Variants in GABRD observed in about 807,000 individuals in gnomAD.
GABRD encodes the protein gamma-aminobutyric acid receptor subunit delta.
A neutral mutation model predicts 47.3 loss-of-function variants in GABRD; 25 were observed. The observed-to-expected ratio is 0.53, with a 90% CI of 0.39 to 0.74. GABRD has a LOEUF of 0.74. Among genes scored for constraint, GABRD ranks in the 30% least tolerant of loss-of-function variants. GABRD has a pLI of 0.00. For missense variants in GABRD, 497 were observed against 643.4 expected, an observed-to-expected ratio of 0.77 and a Z score of 2.46; for synonymous variants, 314 against 278.8, an observed-to-expected ratio of 1.13 and a Z score of -1.26.
In GABRD at chr1:2,030,587, T is replaced by C; in HGVS notation, c.*305T>C. 1 of 302,154 alleles carries C rather than the reference T, an allele frequency of 3.3e-6. No individual in the cohort carries two copies. The highest frequency in any genetic ancestry group is 6.1e-6 in the Non-Finnish European group (1 of 164,214). 18.7% of individuals were successfully genotyped at this position (302,154 alleles called of 1,614,324 possible). A position where few individuals can be genotyped will look rare whatever the true frequency, so the allele number is the denominator to read the frequency against. The stretch of plus-strand genomic sequence containing the variant: ...CCCTTCAGGGAGCCGCGGATTTTTA[T>C]GTTCAGAAAGTGATCCTGGTTTCTA... On this transcript the variant is annotated 3_prime_UTR_variant, in exon 9 of 9. Coordinates refer to ENST00000378585, the MANE Select transcript of GABRD (RefSeq NM_000815.5).
chr1:2,028,464 G>A lies in GABRD; in HGVS notation c.691+172G>A, dbSNP rs1459820375. 6.6e-6 allele frequency among the ~76,000 whole-genome samples: 1 copy of A among 152,118 alleles called. No homozygotes were observed. Among genetic ancestry groups the A allele is most frequent in the African/African-American group, 2.4e-5 (1 of 41,428 alleles). ...GGGCCTCTGGGGATGCAGCTGGGAC[G>A]CTGCTGCCTTAGGAACTTGCTCATT... is the stretch of plus-strand genomic sequence containing the variant. On this transcript the variant is annotated intron_variant, in intron 6 of 8. Transcript: ENST00000378585. This position sits in a 1 kb window ranked among gnomAD's most constrained non-coding sequence, Gnocchi z 6.4.
intron 2 of GABRD, 24 bp downstream of exon 2, chr1:2,025,078 A>G: frequency 1.3e-6 from 2 of 1,584,708 alleles, no homozygotes; most frequent in African/African-American, 1.3e-5. Context: ...CAGGCCCGGC[A>G]GGCAGGAGCC....
At position 2,025,681 on chromosome 1, in the gene GABRD, C is replaced by T. The variant is rs1189990506; in HGVS notation, c.413C>T (p.Thr138Met). The change falls in exon 4 of 9, where the codon ACG (threonine) becomes ATG (methionine). Residue 138 changes from threonine to methionine, a missense_variant. Physicochemically the swap from Thr to Met is moderately conservative, Grantham distance 81. This residue lies in a region of GABRD where 285 missense variants were observed against 436.6 expected (regional missense o/e 0.65). Coordinates refer to ENST00000378585, the MANE Select transcript of GABRD (RefSeq NM_000815.5). ...NAKSAWFHDV[T>M]VENKLIRLQP... Reference sequence around the variant, plus strand: ...AAGTCGGCCTGGTTCCACGACGTGACGGTGGAGAACAAGCTCATCCGGCTG... The same window carrying T: ...AAGTCGGCCTGGTTCCACGACGTGATGGTGGAGAACAAGCTCATCCGGCTG... 1 of 1,612,990 alleles carries T rather than the reference C, an allele frequency of 6.2e-7. No homozygotes were observed. The highest frequency in any genetic ancestry group is 8.5e-7 in the Non-Finnish European group (1 of 1,180,002).
Position 2,028,068 on chromosome 1 carries a change from C to G in GABRD, c.554-87C>G. The stretch of plus-strand genomic sequence containing the variant: ...CCATCACGATGGCGTCGGCCCCCTG[C>G]AGGCTTCCTGTGTGGACGGAGCGCT... On this transcript the variant is annotated intron_variant, in intron 5 of 8. Transcript: ENST00000378585. This position sits in a 1 kb window ranked among gnomAD's most constrained non-coding sequence, Gnocchi z 6.4. 5 of 1,461,628 alleles carry G rather than the reference C, an allele frequency of 3.4e-6. No homozygotes were observed. Among genetic ancestry groups the G allele is most frequent in the Non-Finnish European group, 4.6e-6 (5 of 1,076,824 alleles). 90.5% of individuals were successfully genotyped at this position (1,461,628 alleles called of 1,614,324 possible).
Position 2,025,057 on chromosome 1 carries a change from GA to G in GABRD, c.181+4del. 6.2e-7 allele frequency: 1 copy of G among 1,610,390 alleles called. No individual in the cohort carries two copies. The highest frequency in any genetic ancestry group is 8.5e-7 in the Non-Finnish European group (1 of 1,178,054). On this transcript the variant is annotated splice_donor_region_variant and intron_variant, in intron 2 of 8. Transcript: ENST00000378585. ...CAACTTCCGGCCTGGCATCGGAGGTGAGGGGCGGTCCAGGCCCGGCAGGCAG... is the reference window on the plus strand; with the variant it reads ...CAACTTCCGGCCTGGCATCGGAGGTGGGGGCGGTCCAGGCCCGGCAGGCAG...
chr1:2,025,435 G>T (rs1470175426), intron 3 of GABRD, 34 bp downstream of exon 3: 1 of 1,612,412 alleles, frequency 6.2e-7, no homozygotes. Context: ...CAGGCACGGT[G>T]GGTGCCCACA....
chr1:2,027,713 A>T lies in GABRD; in HGVS notation c.553+54A>T. On this transcript the variant is annotated intron_variant, in intron 5 of 8. Transcript: ENST00000378585. ...CTTCTCCAGCAGTGGATGGGGGCTC[A>T]GACTGTCAGCCCGGGGCCTGGACAA... is the stretch of plus-strand genomic sequence containing the variant. 7 of 1,495,462 alleles carry T rather than the reference A, an allele frequency of 4.7e-6. No homozygotes were observed. In the South Asian group the frequency reaches 8.0e-5, roughly 17 times the overall value. 92.6% of individuals were successfully genotyped at this position (1,495,462 alleles called of 1,614,324 possible).
chr1:2,029,926 G>T, intron 8 of GABRD, 57 bp from the exon 9 acceptor site: 1 of 1,596,758 alleles, frequency 6.3e-7, no homozygotes, highest in Non-Finnish European at 8.6e-7. Flanking sequence ...GTGGTCCAGG[G>T]CCCTGGGAGC....
In GABRD at chr1:2,030,534, G is replaced by A. The variant is rs938130486; in HGVS notation, c.*252G>A. On this transcript the variant is annotated 3_prime_UTR_variant, in exon 9 of 9. Coordinates refer to ENST00000378585, the MANE Select transcript of GABRD (RefSeq NM_000815.5). Reference sequence around the variant, plus strand: ...AGATGAAGGAGCAGAGGTTCTGACCGAGAGGCTGAGCCAGGCCGGGGTCTG... The same window carrying A: ...AGATGAAGGAGCAGAGGTTCTGACCAAGAGGCTGAGCCAGGCCGGGGTCTG... 5.7e-5 allele frequency: 22 copies of A among 387,252 alleles called. 1 individual carries two copies. In the Middle Eastern group the frequency reaches 2.0e-3, roughly 34 times the overall value. The allele number at this position is 387,252 out of a possible 1,614,324, so 24.0% of individuals were successfully genotyped here. A position where few individuals can be genotyped will look rare whatever the true frequency, so the allele number is the denominator to read the frequency against.
intron 3 of GABRD, 40 bp downstream of exon 3, chr1:2,025,441 C>T: frequency 6.2e-7 from 1 of 1,612,440 alleles, no homozygotes; most frequent in Non-Finnish European, 8.5e-7. Context: ...CGGTGGGTGC[C>T]CACAGCCTCT....
rs921914262 is a variant in GABRD at position 2,029,336 on chromosome 1, C to T, written c.847+70C>T. ...CTGGGGAACAGGACTCCCCATCCCT[C>T]GGCTGGGGGCTCAGCACTGGCCTCT... is the stretch of plus-strand genomic sequence containing the variant. On this transcript the variant is annotated intron_variant, in intron 7 of 8. Coordinates refer to ENST00000378585, the MANE Select transcript of GABRD (RefSeq NM_000815.5). 3.3e-5 allele frequency: 49 copies of T among 1,483,860 alleles called. No individual in the cohort carries two copies. The East Asian group carries it at 4.9e-4, about 15-fold the overall frequency. 91.9% of individuals were successfully genotyped at this position (1,483,860 alleles called of 1,614,324 possible). A position where few individuals can be genotyped will look rare whatever the true frequency, so the allele number is the denominator to read the frequency against.
At position 2,028,119 on chromosome 1, in the gene GABRD, C is replaced by T. The variant is rs374824592; in HGVS notation, c.554-36C>T. On this transcript the variant is annotated intron_variant, in intron 5 of 8. Transcript: ENST00000378585. This position sits in a 1 kb window ranked among gnomAD's most constrained non-coding sequence, Gnocchi z 6.4. ...CCTGCCAGGGCTCCCGGGGCAGGGC[C>T]GGGCTCTGCCGCCCACCTGTGTGCT... The T allele has an allele frequency of 5.3e-5, 84 of 1,592,818 alleles. No individual in the cohort carries two copies. Among genetic ancestry groups the T allele is most frequent in the Non-Finnish European group, 6.9e-5 (80 of 1,166,474 alleles).
rs1659031670 is a variant in GABRD, at chr1:2,029,738, C to T, written c.1035C>T (p.Val345=). 1 of 1,613,018 alleles carries T rather than the reference C, an allele frequency of 6.2e-7. No homozygotes were observed. Among genetic ancestry groups the T allele is most frequent in the Non-Finnish European group, 8.5e-7 (1 of 1,179,986 alleles). ...ADYRKKQKAK[V]KVSRPRAEMD... is the part of the protein sequence containing the mutation. ...ACAGGAAGAAGCAGAAGGCCAAGGTCAAGGTCTCCAGGCCGAGGGCAGAGG... is the reference window on the plus strand; with the variant it reads ...ACAGGAAGAAGCAGAAGGCCAAGGTTAAGGTCTCCAGGCCGAGGGCAGAGG... The change falls in exon 8 of 9, where the codon GTC becomes GTT. Residue 345 remains valine (V), a synonymous_variant. Transcript: ENST00000378585.
rs1658978015 is a variant in GABRD, at chr1:2,028,094, C to G, written c.554-61C>G. 6.4e-7 allele frequency: 1 copy of G among 1,570,594 alleles called. No homozygotes were observed. The highest frequency in any genetic ancestry group is 1.8e-5 in the Admixed American group (1 of 57,140). ...AGGCTTCCTGTGTGGACGGAGCGCT[C>G]CTGCCAGGGCTCCCGGGGCAGGGCC... On this transcript the variant is annotated intron_variant, in intron 5 of 8. Transcript: ENST00000378585. The surrounding 1 kb of genome is among the most constrained non-coding windows in gnomAD (Gnocchi z 6.4).
chr1:2,030,506 C>T lies in GABRD; in HGVS notation c.*224C>T, dbSNP rs923299257. 2 of 424,274 alleles carry T rather than the reference C, an allele frequency of 4.7e-6. No individual in the cohort carries two copies. The highest frequency in any genetic ancestry group is 8.3e-6 in the Non-Finnish European group (2 of 240,300). 26.3% of individuals were successfully genotyped at this position (424,274 alleles called of 1,614,324 possible). On this transcript the variant is annotated 3_prime_UTR_variant, in exon 9 of 9. Transcript: ENST00000378585. ...TCTCCGGCAGGCAGCCCGAGACCTGCACAGATGAAGGAGCAGAGGTTCTGA... is the reference window on the plus strand; with the variant it reads ...TCTCCGGCAGGCAGCCCGAGACCTGTACAGATGAAGGAGCAGAGGTTCTGA...
chr1:2,026,564 G>C (rs978274744), intron 4 of GABRD: 3 of 152,190 alleles, frequency 2.0e-5, no homozygotes, highest in Non-Finnish European at 4.4e-5. Flanking sequence ...GGCCGGATGC[G>C]GTGGCTCACG....
In GABRD at chr1:2,027,369, A is replaced by T. The variant is rs913225826; in HGVS notation, c.471-208A>T. The T allele has an allele frequency of 9.8e-6, 6 of 611,246 alleles. No individual in the cohort carries two copies. The African/African-American group carries it at 1.1e-4, about 11-fold the overall frequency. 37.9% of individuals were successfully genotyped at this position (611,246 alleles called of 1,614,324 possible). A position where few individuals can be genotyped will look rare whatever the true frequency, so the allele number is the denominator to read the frequency against. On this transcript the variant is annotated intron_variant, in intron 4 of 8. Transcript: ENST00000378585. ...CAAGCGTTTTGAAGAGAATGAATGAAATCCAGTTCTTGACGGTCCTAAAGG... is the reference window on the plus strand; with the variant it reads ...CAAGCGTTTTGAAGAGAATGAATGATATCCAGTTCTTGACGGTCCTAAAGG...
chr1:2,028,331 G>T lies in GABRD; in HGVS notation c.691+39G>T, dbSNP rs753833436. ...GCCGCCCCTTCCGCATGTGCCCGCC[G>T]CCCCTTCCGCGCGCGCCCACCGCCC... On this transcript the variant is annotated intron_variant, in intron 6 of 8. Transcript: ENST00000378585. This position sits in a 1 kb window ranked among gnomAD's most constrained non-coding sequence, Gnocchi z 6.4. 1 of 1,573,628 alleles carries T rather than the reference G, an allele frequency of 6.4e-7. No homozygotes were observed. Among genetic ancestry groups the T allele is most frequent in the Non-Finnish European group, 8.6e-7 (1 of 1,157,570 alleles).
rs1194802055 is a variant in GABRD at position 2,025,031 on chromosome 1, G to A, written c.158G>A (p.Arg53His). ...GACGGGCTGATAGCCGGCTACGCCC[G>A]CAACTTCCGGCCTGGCATCGGAGGT... ...NLDGLIAGYA[R>H]NFRPGIGGPP... Residue 53 changes from arginine to histidine, a missense_variant, in exon 2 of 9, where the codon CGC becomes CAC. Arg to His is a conservative substitution (Grantham distance 29). Around this residue, in one of 3 missense-constraint regions of GABRD, gnomAD observed 91 missense variants for 85.5 expected, o/e 1.06. Transcript: ENST00000378585. 3.7e-6 allele frequency: 6 copies of A among 1,612,480 alleles called. No homozygotes were observed. The highest frequency in any genetic ancestry group is 5.1e-6 in the Non-Finnish European group (6 of 1,179,662).
Sources: gnomAD v4.1 joint callset for allele counts (sites outside exome capture counted in the v4.1 genomes callset) on GRCh38, gnomAD v4.1.1 for gene constraint, gnomAD v4.1.1 regional missense constraint, Gnocchi (gnomAD v3.1) non-coding constraint, MANE v1.5 for transcripts, NCBI Gene and HGNC (gene_info 2026-07-23, HGNC 2026-07-21) for gene names.